Variants in SAMD11 observed in about 807,000 individuals in gnomAD.
SAMD11 encodes the protein sterile alpha motif domain containing 11.
Under a neutral mutation model 64.4 loss-of-function variants are expected in SAMD11, and 77 were observed. That is an observed-to-expected ratio of 1.20 (90% CI 0.99 to 1.44). SAMD11 has a LOEUF of 1.44. SAMD11 is among the 40% of genes most tolerant of loss of function. The pLI is 0.00. For missense variants in SAMD11, 1,402 were observed against 943.3 expected (o/e 1.49, Z -6.37); for synonymous variants, 658 against 421.9 (o/e 1.56, Z -6.86).
chr1:944,006 C>A lies in SAMD11; in HGVS notation c.2388C>A (p.Gly796=). Residue 796 remains glycine, a synonymous_variant, in exon 14 of 14, where the codon GGC becomes GGA. Transcript: ENST00000616016. ...PTLRAPEREL[G]TGEQPLSPTT... is the part of the protein sequence containing the mutation. Reference sequence around the variant, plus strand: ...TGCGGGCCCCGGAGCGAGAACTCGGCACAGGAGAGCAGCCCTTGTCCCCCA... The same window carrying A: ...TGCGGGCCCCGGAGCGAGAACTCGGAACAGGAGAGCAGCCCTTGTCCCCCA... The A allele has an allele frequency of 6.2e-7, 1 of 1,612,894 alleles. No homozygotes were observed. The highest frequency in any genetic ancestry group is 1.1e-5 in the South Asian group (1 of 91,088).
rs1169443364 is a variant in SAMD11, at chr1:942,694, G to A, written c.1689G>A (p.Leu563=). 1.9e-5 allele frequency: 28 copies of A among 1,444,804 alleles called. No homozygotes were observed. Among genetic ancestry groups the A allele is most frequent in the Non-Finnish European group, 2.4e-5 (27 of 1,110,192 alleles). The allele number at this position is 1,444,804 out of a possible 1,614,324, so 89.5% of individuals were successfully genotyped here. A position where few individuals can be genotyped will look rare whatever the true frequency, so the allele number is the denominator to read the frequency against. Residue 563 remains leucine, a synonymous_variant, in exon 11 of 14, where the codon CTG becomes CTA. Coordinates refer to ENST00000616016, the MANE Select transcript of SAMD11 (RefSeq NM_001385641.1). ...ELQRRGALLV[L]NHGAAPLLAL... ...AGCGGCGCGGGGCCCTGCTGGTGCTGAACCACGGCGCGGCGCCACTGCTGG... is the reference window on the plus strand; with the variant it reads ...AGCGGCGCGGGGCCCTGCTGGTGCTAAACCACGGCGCGGCGCCACTGCTGG...
Position 943,323 on chromosome 1 carries a change from G to T in SAMD11, c.2124G>T (p.Val708=). 1 of 1,610,186 alleles carries T rather than the reference G, an allele frequency of 6.2e-7. No homozygotes were observed. Among genetic ancestry groups the T allele is most frequent in the Non-Finnish European group, 8.5e-7 (1 of 1,178,264 alleles). Residue 708 remains valine, a synonymous_variant, in exon 12 of 14, where the codon GTG becomes GTT. Coordinates refer to ENST00000616016, the MANE Select transcript of SAMD11 (RefSeq NM_001385641.1). ...PAPEDVTKWT[V]DDVCSFVGGL... is the part of the protein sequence containing the mutation. ...CTGAGGACGTCACCAAGTGGACCGT[G>T]GATGACGTCTGCAGCTTCGTGGGGG...
At chr1:931,737 G>T (rs1314912055) in intron 4 of SAMD11, among the ~76,000 whole-genome samples, 1 of 152,256 alleles carries the variant, frequency 6.6e-6, no homozygotes, top group Non-Finnish European at 1.5e-5. Context: ...GGCAGACAGG[G>T]GATTGGATTC....
Position 943,332 on chromosome 1 carries a change from C to G in SAMD11, c.2133C>G (p.Val711=), listed in dbSNP as rs148731148. 8.1e-6 allele frequency: 13 copies of G among 1,605,012 alleles called. No individual in the cohort carries two copies. The highest frequency in any genetic ancestry group is 1.7e-5 in the Admixed American group (1 of 59,026). The part of the protein sequence containing the change: ...EDVTKWTVDD[V]CSFVGGLSGC... Reference sequence around the variant, plus strand: ...TCACCAAGTGGACCGTGGATGACGTCTGCAGCTTCGTGGGGGGCCTGTCTG... The same window carrying G: ...TCACCAAGTGGACCGTGGATGACGTGTGCAGCTTCGTGGGGGGCCTGTCTG... The change falls in exon 12 of 14, where the codon GTC becomes GTG. Residue 711 remains valine (V), a synonymous_variant. Transcript: ENST00000616016.
intron 8 of SAMD11, among the ~76,000 whole-genome samples, chr1:941,762 G>A (rs959826149): frequency 1.3e-5 from 2 of 152,074 alleles, no homozygotes. Context: ...GGCCGCCTGA[G>A]GCCCGAGTCC....
At chr1:925,694 C>A in intron 1 of SAMD11, 1 of 479,244 alleles carries the variant, frequency 2.1e-6, no homozygotes, top group Admixed American at 3.4e-5. Context: ...CGCCCAGGCC[C>A]TTCGTCGGGG....
At chr1:943,203 C>T (rs1235362770) in intron 11 of SAMD11, 50 bp from the exon 12 acceptor site, 10 of 1,609,706 alleles carry the variant, frequency 6.2e-6, no homozygotes, top group Admixed American at 1.7e-5. Flanking sequence ...AGGAGACGGG[C>T]GGGTATGGGA....
At chr1:931,234 A>G (rs1420525117) in intron 4 of SAMD11, 145 bp downstream of exon 4, 12 of 813,322 alleles carry the variant, frequency 1.5e-5, no homozygotes, top group Non-Finnish European at 2.0e-5. Flanking sequence ...CAGGTTTGAC[A>G]TGTGCTGCAA....
Position 943,972 on chromosome 1 carries a change from C to T in SAMD11, c.2354C>T (p.Pro785Leu), listed in dbSNP as rs916588855. Residue 785 changes from proline (P) to leucine (L), a missense_variant, in exon 14 of 14, where the codon CCA becomes CTA. Pro to Leu is a moderately conservative substitution (Grantham distance 98). Transcript: ENST00000616016. Reference sequence around the variant, plus strand: ...TTCCCCGTGGCTCTGCCACTGCAGCCACCAACCCTGCGGGCCCCGGAGCGA... The same window carrying T: ...TTCCCCGTGGCTCTGCCACTGCAGCTACCAACCCTGCGGGCCCCGGAGCGA... ...ASFPVALPLQPPTLRAPEREL... is the reference protein window; with the variant it reads ...ASFPVALPLQLPTLRAPEREL... 2.2e-5 allele frequency: 35 copies of T among 1,612,690 alleles called. No homozygotes were observed. Among genetic ancestry groups the T allele is most frequent in the Non-Finnish European group, 2.8e-5 (33 of 1,179,960 alleles).
At position 941,280 on chromosome 1, in the gene SAMD11, A is replaced by T; in HGVS notation, c.1332A>T (p.Pro444=). The change falls in exon 8 of 14, where the codon CCA becomes CCT. Residue 444 remains proline, a synonymous_variant. Transcript: ENST00000616016. The stretch of plus-strand genomic sequence containing the variant: ...CTCAGCACCGGGAGGGCGCCGCCCC[A>T]GCTGCCGCCCCGTCCTTCTCGGAGA... ...GLAQHREGAA[P]AAAPSFSERE... is the part of the protein sequence containing the mutation. 1.9e-6 allele frequency: 3 copies of T among 1,594,664 alleles called. No homozygotes were observed. In the South Asian group the frequency reaches 3.4e-5, roughly 18 times the overall value.
intron 7 of SAMD11, 73 bp from the exon 8 acceptor site, chr1:941,071 C>A: frequency 7.1e-7 from 1 of 1,405,492 alleles, no homozygotes; most frequent in South Asian, 1.3e-5. Context: ...CCTCAGTGTT[C>A]TACGCCAGGA....
chr1:930,320 C>T lies in SAMD11; in HGVS notation c.775C>T (p.Arg259Cys), dbSNP rs116730894. 428 of 1,605,256 alleles carry T rather than the reference C, an allele frequency of 2.7e-4. 2 individuals carry two copies. In the African/African-American group the frequency reaches 4.5e-3, roughly 17 times the overall value. ...GLKQEDGPHI[R>C]IMKRRVHTHW... ...GAAGCAGGAGGATGGTCCGCACATC[C>T]GTATCATGAAGAGAAGGTACTTGGA... Residue 259 changes from arginine to cysteine, a missense_variant, in exon 3 of 14, where the codon CGT becomes TGT. Physicochemically the swap from Arg to Cys is radical, Grantham distance 180. Transcript: ENST00000616016.
chr1:924,803 C>T lies in SAMD11; in HGVS notation c.372C>T (p.Arg124=), dbSNP rs1640799551. The change falls in exon 1 of 14, where the codon CGC becomes CGT. Residue 124 remains arginine, a synonymous_variant. Transcript: ENST00000616016. ...PCIEVECGAN[R]ALLYVRKLCQ... ...TCGAGGTGGAGTGCGGCGCCAACCG[C>T]GCGCTGCTCTACGTGCGCAAACTCT... 6.6e-6 allele frequency: 1 copy of T among 152,330 alleles called. No individual in the cohort carries two copies. The highest frequency in any genetic ancestry group is 6.5e-5 in the Admixed American group (1 of 15,306). 9.4% of individuals were successfully genotyped at this position (152,330 alleles called of 1,614,324 possible).
chr1:939,331 C>T lies in SAMD11; in HGVS notation c.1114C>T (p.Arg372Cys), dbSNP rs753107165. ...GPSMAPEDHY[R>C]RLVSALSEAS... Reference sequence around the variant, plus strand: ...CAGCATGGCCCCGGAGGACCATTACCGCCGGCTTGTGTCAGCACTGAGCGA... The same window carrying T: ...CAGCATGGCCCCGGAGGACCATTACTGCCGGCTTGTGTCAGCACTGAGCGA... Residue 372 changes from arginine to cysteine, a missense_variant, in exon 7 of 14, where the codon CGC becomes TGC. Arg to Cys is a radical substitution (Grantham distance 180). Transcript: ENST00000616016. 9 of 1,611,932 alleles carry T rather than the reference C, an allele frequency of 5.6e-6. No homozygotes were observed. The East Asian group carries it at 6.7e-5, about 12-fold the overall frequency.
chr1:943,196 A>C (rs1445108306), intron 11 of SAMD11, 57 bp from the exon 12 acceptor site: 1 of 1,609,274 alleles, frequency 6.2e-7, no homozygotes, highest in Non-Finnish European at 8.5e-7. Flanking sequence ...GACGGTCAGG[A>C]GACGGGCGGG....
intron 4 of SAMD11, among the ~76,000 whole-genome samples, chr1:932,715 G>A (rs1215309170): frequency 1.3e-5 from 2 of 152,230 alleles, no homozygotes; most frequent in Non-Finnish European, 2.9e-5. Context: ...CCGTCCAGTG[G>A]TCTCCACCCA....
chr1:942,884 G>C lies in SAMD11; in HGVS notation c.1879G>C (p.Glu627Gln). ...RLWAQDGSED[E>Q]PPKDSDGEDP... ...CTGGGCACAAGATGGCTCGGAAGAC[G>C]AGCCCCCCAAAGACTCGGACGGAGA... is the stretch of plus-strand genomic sequence containing the variant. Residue 627 changes from glutamate (E) to glutamine (Q), a missense_variant, in exon 11 of 14, where the codon GAG (glutamate) becomes CAG (glutamine). By Grantham distance (29) the Glu-to-Gln change is conservative. Transcript: ENST00000616016. 6.4e-7 allele frequency: 1 copy of C among 1,555,006 alleles called. No individual in the cohort carries two copies.
At chr1:930,456 G>C in intron 3 of SAMD11, 120 bp downstream of exon 3, 1 of 1,153,212 alleles carries the variant, frequency 8.7e-7, no homozygotes, top group Non-Finnish European at 1.2e-6. Flanking sequence ...TCAGATGCTG[G>C]TCTTTTTGGG....
At chr1:941,439 T>A (rs1641760916) in intron 8 of SAMD11, 133 bp downstream of exon 8, 2 of 936,630 alleles carry the variant, frequency 2.1e-6, no homozygotes, top group Admixed American at 6.0e-5. Context: ...GGCAGAGCGT[T>A]TCGGGGGTGA....
Sources: allele counts gnomAD v4.1 joint callset (sites outside exome capture counted in the v4.1 genomes callset), GRCh38; gene constraint gnomAD v4.1.1; transcripts MANE v1.5; gene names NCBI Gene and HGNC (gene_info 2026-07-23, HGNC 2026-07-21).